Variants in CDK5RAP1 observed in about 807,000 individuals in gnomAD.
The protein encoded by CDK5RAP1 is CDK5RAP1 mitochondrial tRNA methylthiotransferase, also known as mitochondrial tRNA methylthiotransferase CDK5RAP1.
A neutral mutation model predicts 64.5 loss-of-function variants in CDK5RAP1; 62 were observed. The ratio of observed to expected loss-of-function variants is 0.96; its 90% CI spans 0.78 to 1.19. CDK5RAP1 has a LOEUF of 1.19. Among genes scored for constraint, CDK5RAP1 ranks in the 50% most tolerant of loss-of-function variants. CDK5RAP1 has a pLI of 0.00. For missense variants in CDK5RAP1, 657 were observed against 735.0 expected (o/e 0.89, Z 1.23); for synonymous variants, 250 against 261.9 (o/e 0.95, Z 0.44).
In CDK5RAP1 at chr20:33,383,846, A is replaced by C. The variant is rs1444181286; in HGVS notation, c.876+1804T>G. ...AGAATCGCTTGAATCTGGGAGGTGG[A>C]GGCTGCAGTGAGCCGAGATCATACC... is the stretch of plus-strand genomic sequence containing the variant. On this transcript the variant is annotated intron_variant, in intron 7 of 13. Transcript: ENST00000346416. Among the ~76,000 whole-genome samples the C allele has an allele frequency of 2.0e-5, 3 of 150,452 alleles. No individual in the cohort carries two copies. In the Admixed American group the frequency reaches 2.0e-4, roughly 10 times the overall value.
In CDK5RAP1 at chr20:33,395,115, G is replaced by C; in HGVS notation, c.306C>G (p.Val102=). Residue 102 remains valine (V), a splice_region_variant and synonymous_variant, in exon 3 of 14, where the codon GTC becomes GTG. Coordinates refer to ENST00000346416, the MANE Select transcript of CDK5RAP1 (RefSeq NM_016408.4). The stretch of plus-strand genomic sequence containing the variant: ...TCTGGCAGCCATAGGTCTCGAGGTA[G>C]ACTGCAGTGAGAGGTTGGGGGGAAT... ...MDELLGRQRK[V]YLETYGCQMN... is the part of the protein sequence containing the mutation. 3.8e-6 allele frequency: 6 copies of C among 1,591,336 alleles called. No individual in the cohort carries two copies. The highest frequency in any genetic ancestry group is 5.2e-6 in the Non-Finnish European group (6 of 1,159,406).
chr20:33,384,896 C>A (rs754059302), intron 7 of CDK5RAP1, among the ~76,000 whole-genome samples: 5 of 152,082 alleles, frequency 3.3e-5, no homozygotes, highest in Admixed American at 6.6e-5. Context: ...AGTGAAAGCC[C>A]GTCTCAAAAA....
chr20:33,391,249 T>TA (rs60730257), intron 5 of CDK5RAP1, among the ~76,000 whole-genome samples: 59,419 of 107,286 alleles, frequency 0.55, 16,713 homozygotes, highest in Non-Finnish European at 0.61. Context: ...ACTCTGTTTT[T>TA]AAAAAAAAAA....
chr20:33,395,347 C>T (rs1387293596), intron 2 of CDK5RAP1, among the ~76,000 whole-genome samples: 1 of 152,168 alleles, frequency 6.6e-6, no homozygotes, highest in Non-Finnish European at 1.5e-5. Context: ...GTGGTTCATG[C>T]CTATAATCCC....
intron 2 of CDK5RAP1, among the ~76,000 whole-genome samples, chr20:33,396,327 A>G (rs938963195): frequency 1.3e-5 from 2 of 152,204 alleles, no homozygotes; most frequent in Non-Finnish European, 2.9e-5. Flanking sequence ...CGTCCCCACC[A>G]GCAGGTCTTA....
At chr20:33,392,070 G>C in intron 5 of CDK5RAP1, 72 bp downstream of exon 5, 1 of 928,274 alleles carries the variant, frequency 1.1e-6, no homozygotes, top group Non-Finnish European at 1.7e-6. Context: ...AGCCTCTAAA[G>C]GAAACACTAG....
chr20:33,389,538 T>TG (rs1339179813), intron 5 of CDK5RAP1, among the ~76,000 whole-genome samples: 66 of 139,196 alleles, frequency 4.7e-4, no homozygotes, highest in East Asian at 1.3e-3. Context: ...GGGAGGGAGG[T>TG]GGGGGGGTCA....
chr20:33,359,406 A>G lies in CDK5RAP1; in HGVS notation c.1684-283T>C, dbSNP rs574107627. On this transcript the variant is annotated intron_variant, in intron 13 of 13. Coordinates refer to ENST00000346416, the MANE Select transcript of CDK5RAP1 (RefSeq NM_016408.4). ...AGCTCTAACCATAAAATTCAGGTGA[A>G]ACTGCCCATCACAGGCCCTGCCCTC... 1.4e-5 allele frequency: 5 copies of G among 356,502 alleles called. No individual in the cohort carries two copies. In the South Asian group the frequency reaches 2.2e-4, roughly 16 times the overall value. 22.1% of individuals were successfully genotyped at this position (356,502 alleles called of 1,614,324 possible).
chr20:33,388,823 C>T (rs1271563263), intron 5 of CDK5RAP1, among the ~76,000 whole-genome samples: 1 of 152,082 alleles, frequency 6.6e-6, no homozygotes, highest in Non-Finnish European at 1.5e-5. Flanking sequence ...GACTGGGTTT[C>T]GCTGTGTTGG....
At chr20:33,367,888 A>G (rs1984286549) in intron 11 of CDK5RAP1, among the ~76,000 whole-genome samples, 1 of 152,228 alleles carries the variant, frequency 6.6e-6, no homozygotes. Context: ...TGGACATTCA[A>G]ACCAATCTAC....
chr20:33,386,751 AAC>A (rs1266450830), intron 6 of CDK5RAP1, among the ~76,000 whole-genome samples: 3 of 150,356 alleles, frequency 2.0e-5, no homozygotes, highest in Admixed American at 6.8e-5. Flanking sequence ...CATTAAAATA[AAC>A]AGAGGTTGAC....
intron 4 of CDK5RAP1, 76 bp from the exon 5 acceptor site, chr20:33,392,318 G>T: frequency 1.2e-6 from 1 of 855,002 alleles, no homozygotes; most frequent in Non-Finnish European, 1.8e-6. Flanking sequence ...TCAGTGGGAA[G>T]AAAATAAAAA....
At chr20:33,360,291 A>G in intron 13 of CDK5RAP1, 60 bp downstream of exon 13, 14 of 1,546,380 alleles carry the variant, frequency 9.1e-6, no homozygotes, top group Non-Finnish European at 1.2e-5. Flanking sequence ...TTATTACCAC[A>G]AATATCCAAA....
chr20:33,366,495 C>G (rs1470400218), intron 12 of CDK5RAP1, among the ~76,000 whole-genome samples: 1 of 151,910 alleles, frequency 6.6e-6, no homozygotes, highest in African/African-American at 2.4e-5. Context: ...ACCTGTAATC[C>G]CAGCTACTCG....
intron 1 of CDK5RAP1, among the ~76,000 whole-genome samples, chr20:33,398,992 T>TTA (rs1989152873): frequency 6.6e-6 from 1 of 152,028 alleles, no homozygotes; most frequent in Non-Finnish European, 1.5e-5. Context: ...AGCAATATGC[T>TTA]CCATGCTACC....
At chr20:33,389,473 G>A (rs1939391872) in intron 5 of CDK5RAP1, among the ~76,000 whole-genome samples, 6 of 151,712 alleles carry the variant, frequency 4.0e-5, no homozygotes, top group Non-Finnish European at 8.8e-5. Flanking sequence ...CCCAGCAGCC[G>A]CCCCGTCCGG....
chr20:33,372,666 GAACT>G lies in CDK5RAP1; in HGVS notation c.1233_1236del (p.Leu411PhefsTer11), dbSNP rs1985253019. 6.4e-7 allele frequency: 1 copy of G among 1,574,490 alleles called. No homozygotes were observed. Among genetic ancestry groups the G allele is most frequent in the African/African-American group, 1.4e-5 (1 of 72,534 alleles). On this transcript the variant is annotated frameshift_variant, in exon 10 of 14. Coordinates refer to ENST00000346416, the MANE Select transcript of CDK5RAP1 (RefSeq NM_016408.4). LOFTEE classifies it high-confidence loss of function. Reference sequence around the variant, plus strand: ...CCTGGAATAGATTCTCTAATATGGTGAACTAACTCCACATAAGCTTCTCTTGAAT... The same window carrying G: ...CCTGGAATAGATTCTCTAATATGGTGAACTCCACATAAGCTTCTCTTGAAT...
chr20:33,389,953 T>TC (rs397864584), intron 5 of CDK5RAP1, among the ~76,000 whole-genome samples: 1 of 151,354 alleles, frequency 6.6e-6, no homozygotes, highest in Non-Finnish European at 1.5e-5. Flanking sequence ...TTTTTTTTTT[T>TC]ACAACGGAGT....
Position 33,387,425 on chromosome 20 carries a change from G to C in CDK5RAP1, c.653C>G (p.Ala218Gly). ...YRDLPRLLAV[A>G]ESGQQAANVL... is the part of the protein sequence containing the mutation. ...GTTGGCAGCTTGCTGGCCCGACTCA[G>C]CAACAGCCAGCAGCCGGGGAAGGTC... The change falls in exon 6 of 14, where the codon GCT becomes GGT. Residue 218 changes from alanine (A) to glycine (G), a missense_variant. Ala to Gly is a moderately conservative substitution (Grantham distance 60, BLOSUM62 0). Coordinates refer to ENST00000346416, the MANE Select transcript of CDK5RAP1 (RefSeq NM_016408.4). 1 of 1,614,110 alleles carries C rather than the reference G, an allele frequency of 6.2e-7. No individual in the cohort carries two copies. The highest frequency in any genetic ancestry group is 8.5e-7 in the Non-Finnish European group (1 of 1,179,988).
Sources: gnomAD v4.1 joint callset for allele counts (sites outside exome capture counted in the v4.1 genomes callset) on GRCh38, gnomAD v4.1.1 for gene constraint, MANE v1.5 for transcripts, NCBI Gene and HGNC (gene_info 2026-07-23, HGNC 2026-07-21) for gene names.